POU6F2: variants seen among roughly 807,000 people sequenced by gnomAD.
POU6F2 encodes POU class 6 homeobox 2, also known as POU domain, class 6, transcription factor 2.
Under a neutral mutation model 71.3 loss-of-function variants are expected in POU6F2, and 31 were observed. The ratio of observed to expected loss-of-function variants is 0.43; its 90% confidence interval spans 0.33 to 0.59. The LOEUF is 0.59. POU6F2 is among the 20% of genes least tolerant of loss of function. POU6F2 has a pLI of 0.04. For missense variants in POU6F2, 783 were observed against 856.8 expected, an observed-to-expected ratio of 0.91 and a Z score of 1.07; for synonymous variants, 347 against 355.7, an observed-to-expected ratio of 0.98 and a Z score of 0.27.
At chr7:39,146,720 G>T (rs544109969) in intron 2 of POU6F2, among the ~76,000 whole-genome samples, 3 of 152,214 alleles carry the variant, frequency 2.0e-5, no homozygotes, top group Admixed American at 1.3e-4. Flanking sequence ...GTGGTGAGTT[G>T]ATAGAAATTA....
chr7:39,014,098 G>A (rs946971411), intron 1 of POU6F2, among the ~76,000 whole-genome samples: 4 of 152,148 alleles, frequency 2.6e-5, no homozygotes, highest in African/African-American at 9.7e-5. Context: ...AATCAAATAT[G>A]GATGTGGCGG....
At chr7:39,301,588 G>A (rs976939470) in intron 4 of POU6F2, among the ~76,000 whole-genome samples, 2 of 152,198 alleles carry the variant, frequency 1.3e-5, no homozygotes, top group African/African-American at 4.8e-5. Flanking sequence ...GGTCAGGTTT[G>A]TGTCATCATT....
Position 39,460,499 on chromosome 7 carries a change from C to T in POU6F2, c.1490-48C>T, listed in dbSNP as rs996313345. On this transcript the variant is annotated intron_variant, in intron 8 of 9. Transcript: ENST00000518318. The surrounding 1 kb of genome is among the most constrained non-coding windows in gnomAD (Gnocchi z 4.4). Reference sequence around the variant, plus strand: ...TAAACCGTAATAAACAGATATTGCTCGGCTGTGTGTTGACGTATTGATCCT... The same window carrying T: ...TAAACCGTAATAAACAGATATTGCTTGGCTGTGTGTTGACGTATTGATCCT... 3.8e-6 allele frequency: 6 copies of T among 1,587,550 alleles called. No homozygotes were observed. In the East Asian group the frequency reaches 9.1e-5, roughly 24 times the overall value.
At chr7:39,353,201 G>C (rs888285477) in intron 5 of POU6F2, among the ~76,000 whole-genome samples, 2 of 152,198 alleles carry the variant, frequency 1.3e-5, no homozygotes, top group Non-Finnish European at 2.9e-5. Context: ...GCTTTGGGAA[G>C]AAATCTCATT....
At chr7:39,333,119 A>G (rs1384419083) in intron 4 of POU6F2, among the ~76,000 whole-genome samples, 3 of 152,148 alleles carry the variant, frequency 2.0e-5, no homozygotes, top group African/African-American at 4.8e-5. Flanking sequence ...CCCGCCCCCA[A>G]CACTTTGCTG....
chr7:39,454,376 T>G (rs1788734429), intron 8 of POU6F2, among the ~76,000 whole-genome samples: 1 of 151,914 alleles, frequency 6.6e-6, no homozygotes, highest in Non-Finnish European at 1.5e-5. Context: ...TCCCTAAAAA[T>G]GGAGGTGGGG....
intron 4 of POU6F2, among the ~76,000 whole-genome samples, chr7:39,247,467 AAGAG>A (rs927051604): frequency 1.1e-4 from 17 of 149,518 alleles, no homozygotes; most frequent in Admixed American, 2.0e-4. Flanking sequence ...AAAAGAAAGA[AAGAG>A]AGAAAGAAGA....
At chr7:39,122,832 C>A (rs535566006) in intron 2 of POU6F2, among the ~76,000 whole-genome samples, 2 of 151,646 alleles carry the variant, frequency 1.3e-5, no homozygotes, top group Non-Finnish European at 2.9e-5. Context: ...CTCAGTCTCC[C>A]GAGTAGCTGA....
intron 2 of POU6F2, among the ~76,000 whole-genome samples, chr7:39,141,152 T>A (rs945853280): frequency 6.6e-6 from 1 of 152,186 alleles, no homozygotes; most frequent in Non-Finnish European, 1.5e-5. Context: ...GTGCAACTGT[T>A]TTTGTGTTCT....
chr7:39,052,836 G>A (rs1049924578), intron 1 of POU6F2, among the ~76,000 whole-genome samples: 3 of 152,158 alleles, frequency 2.0e-5, no homozygotes, highest in Non-Finnish European at 4.4e-5. Context: ...GGTGCTCAGT[G>A]TGTGCCAGAA....
chr7:39,078,934 A>G (rs942652153), intron 1 of POU6F2, among the ~76,000 whole-genome samples: 4 of 152,164 alleles, frequency 2.6e-5, no homozygotes, highest in Non-Finnish European at 4.4e-5. Flanking sequence ...TAAAAAATAA[A>G]GGGAGGATCT....
chr7:39,001,235 A>G (rs1387295603), intron 1 of POU6F2, among the ~76,000 whole-genome samples: 1 of 150,936 alleles, frequency 6.6e-6, no homozygotes, highest in African/African-American at 2.5e-5. Flanking sequence ...TAGAAAGATC[A>G]TTCTTTGACA....
At chr7:39,424,737 C>T (rs1787929561) in intron 6 of POU6F2, among the ~76,000 whole-genome samples, 1 of 151,594 alleles carries the variant, frequency 6.6e-6, no homozygotes, top group Non-Finnish European at 1.5e-5. Flanking sequence ...GAGAACATGG[C>T]AAATCTCATA....
intron 4 of POU6F2, among the ~76,000 whole-genome samples, chr7:39,332,112 A>G (rs1312320961): frequency 1.3e-5 from 2 of 152,128 alleles, no homozygotes; most frequent in Non-Finnish European, 2.9e-5. Context: ...TTCTTGTTTT[A>G]ATTTGGAACA....
At chr7:39,090,423 C>CA (rs1562702286) in intron 2 of POU6F2, among the ~76,000 whole-genome samples, 1 of 152,108 alleles carries the variant, frequency 6.6e-6, no homozygotes, top group Non-Finnish European at 1.5e-5. Context: ...GAGGTCATTG[C>CA]AGGGCATTAT....
chr7:39,150,225 CTGTG>C lies in POU6F2; in HGVS notation c.278-53978_278-53975del, dbSNP rs60761447. The stretch of plus-strand genomic sequence containing the variant: ...CCTTTTTTAAGGCTGAGTAATATGT[CTGTG>C]TGTGTGTGTGTGTGTGTGTGTGTGT... On this transcript the variant is annotated intron_variant, in intron 2 of 9. Coordinates refer to ENST00000518318, the MANE Select transcript of POU6F2 (RefSeq NM_001370959.1). Among the ~76,000 whole-genome samples, 63 of 141,242 alleles carry C rather than the reference CTGTG, an allele frequency of 4.5e-4. No homozygotes were observed. The East Asian group carries it at 4.5e-3, about 10-fold the overall frequency. The allele number at this position is 141,242 out of a possible 152,430, so 92.7% of individuals were successfully genotyped here. A position where few individuals can be genotyped will look rare whatever the true frequency, so the allele number is the denominator to read the frequency against.
chr7:39,280,560 G>A (rs1158015528), intron 4 of POU6F2, among the ~76,000 whole-genome samples: 2 of 152,214 alleles, frequency 1.3e-5, no homozygotes. Flanking sequence ...CTGCATGTTG[G>A]TAATGGAAAT....
At chr7:39,202,595 GGGTATATAAGAAA>G (rs1157416910) in intron 2 of POU6F2, among the ~76,000 whole-genome samples, 1 of 152,142 alleles carries the variant, frequency 6.6e-6, no homozygotes, top group Non-Finnish European at 1.5e-5. Flanking sequence ...AATTGGACTT[GGGTATATAAGAAA>G]GAACAGAGAC....
rs1413251011 is a variant in POU6F2, at chr7:39,020,831, T to TTTTA, written c.105+42775_105+42778dup. Among the ~76,000 whole-genome samples the TTTTA allele has an allele frequency of 2.6e-5, 4 of 152,190 alleles. No individual in the cohort carries two copies. The East Asian group carries it at 7.7e-4, about 29-fold the overall frequency. On this transcript the variant is annotated intron_variant, in intron 1 of 9. Coordinates refer to ENST00000518318, the MANE Select transcript of POU6F2 (RefSeq NM_001370959.1). ...TGACATCTGTTTGGCAGAATGTACCTTTTATAAAAATGAAATATCCCATTT... is the reference window on the plus strand; with the variant it reads ...TGACATCTGTTTGGCAGAATGTACCTTTTATTTATAAAAATGAAATATCCCATTT...
Sources: gnomAD v4.1 joint callset for allele counts (sites outside exome capture counted in the v4.1 genomes callset) on GRCh38, gnomAD v4.1.1 for gene constraint, Gnocchi (gnomAD v3.1) non-coding constraint, MANE v1.5 for transcripts, NCBI Gene and HGNC (gene_info 2026-07-23, HGNC 2026-07-21) for gene names.